Variants in CNBD1 observed in about 807,000 individuals in gnomAD.
CNBD1 encodes cyclic nucleotide-binding domain-containing protein 1.
CNBD1 carries 71 observed loss-of-function variants against 54.4 expected under a neutral mutation model. The ratio of observed to expected loss-of-function variants is 1.30; its 90% CI spans 1.08 to 1.59. The LOEUF is 1.59. CNBD1 is among the 40% of genes most tolerant of loss of function. The pLI, the probability that CNBD1 is intolerant of heterozygous loss-of-function variation, is 0.00. For missense variants in CNBD1, 659 were observed against 518.0 expected (o/e 1.27, Z -2.64); for synonymous variants, 182 against 170.7 (o/e 1.07, Z -0.51).
intron 10 of CNBD1, among the ~76,000 whole-genome samples, chr8:87,354,834 C>G (rs879319617): frequency 2.0e-5 from 3 of 152,018 alleles, no homozygotes; most frequent in Non-Finnish European, 4.4e-5. Context: ...GGTTCCAAGT[C>G]TTTGCTATTG....
intron 5 of CNBD1, among the ~76,000 whole-genome samples, chr8:87,230,503 G>T (rs549178511): frequency 6.6e-6 from 1 of 152,304 alleles, no homozygotes; most frequent in African/African-American, 2.4e-5. Flanking sequence ...TTGTATGTGT[G>T]TGTGTGTCCT....
At chr8:87,088,398 T>C (rs1424259125) in intron 4 of CNBD1, among the ~76,000 whole-genome samples, 2 of 152,224 alleles carry the variant, frequency 1.3e-5, no homozygotes, top group Non-Finnish European at 2.9e-5. Context: ...GGTATATCTG[T>C]GTGACATATA....
In CNBD1 at chr8:87,407,490, A is replaced by G. The variant is rs189510471; in HGVS notation, c.214-21056A>G. Among the ~76,000 whole-genome samples, 484 of 152,140 alleles carry G rather than the reference A, an allele frequency of 3.2e-3. 2 individuals carry two copies. Among genetic ancestry groups the G allele is most frequent in the African/African-American group, 0.011 (452 of 41,562 alleles). Reference sequence around the variant, plus strand: ...ATTCTAGTTAATGCTTTTATTGCATATATTTCAAGTGGGCCTGTATCTCAG... The same window carrying G: ...ATTCTAGTTAATGCTTTTATTGCATGTATTTCAAGTGGGCCTGTATCTCAG... On this transcript the variant is annotated intron_variant, in intron 2 of 7. Coordinates refer to the CNBD1 transcript ENST00000521593.
At chr8:87,095,397 A>G (rs1323946505) in intron 4 of CNBD1, among the ~76,000 whole-genome samples, 2 of 152,192 alleles carry the variant, frequency 1.3e-5, no homozygotes, top group Admixed American at 1.3e-4. Context: ...TGTTTTGGAT[A>G]GTTTCCTATT....
At position 87,225,990 on chromosome 8, in the gene CNBD1, T is replaced by C. The variant is rs199924188; in HGVS notation, c.578-10929T>C. Among the ~76,000 whole-genome samples the C allele has an allele frequency of 2.3e-3, 351 of 151,818 alleles. 9 individuals are homozygous for C. Among genetic ancestry groups the C allele is most frequent in the Admixed American group, 0.019 (295 of 15,248 alleles). ...TTGGGAGAGTGTATGTGTCAAGGAA[T>C]GTATCCATTTCTTCTAGATTTTCTA... On this transcript the variant is annotated intron_variant, in intron 5 of 10. Transcript: ENST00000518476.
intron 4 of CNBD1, among the ~76,000 whole-genome samples, chr8:87,045,626 G>A (rs1295986782): frequency 6.6e-6 from 1 of 151,094 alleles, no homozygotes; most frequent in African/African-American, 2.4e-5. Context: ...TCGGGAGGCT[G>A]AGGCAGGAGA....
intron 10 of CNBD1, among the ~76,000 whole-genome samples, chr8:87,368,894 G>A (rs542321474): frequency 5.7e-4 from 87 of 151,906 alleles, no homozygotes; most frequent in African/African-American, 1.4e-3. Context: ...TGCCAGGCCC[G>A]CTTCCAAATG....
At chr8:86,874,936 G>T (rs1808492022) in intron 1 of CNBD1, among the ~76,000 whole-genome samples, 1 of 145,982 alleles carries the variant, frequency 6.9e-6, no homozygotes, top group Non-Finnish European at 1.5e-5. Flanking sequence ...CCTCTCAGTG[G>T]ACAGATCTAG....
chr8:86,963,651 A>T (rs577550348), intron 4 of CNBD1, among the ~76,000 whole-genome samples: 68 of 152,222 alleles, frequency 4.5e-4, no homozygotes, highest in African/African-American at 1.6e-3. Flanking sequence ...GGTGACAACT[A>T]AGAGATTGGG....
In CNBD1 at chr8:87,045,353, T is replaced by C. The variant is rs73690000; in HGVS notation, c.431+105599T>C. Among the ~76,000 whole-genome samples the C allele has an allele frequency of 5.8e-3, 890 of 152,310 alleles. 9 individuals are homozygous for C. The highest frequency in any genetic ancestry group is 0.02 in the African/African-American group (829 of 41,572). On this transcript the variant is annotated intron_variant, in intron 4 of 10. Transcript: ENST00000518476. ...AGAAGGGATTGTAGCTACCTGGGACTGAAGCCTGCTCTTTCTCTTAATGTG... is the reference window on the plus strand; with the variant it reads ...AGAAGGGATTGTAGCTACCTGGGACCGAAGCCTGCTCTTTCTCTTAATGTG...
In CNBD1 at chr8:87,082,715, T is replaced by C. The variant is rs566881829; in HGVS notation, c.432-123278T>C. Among the ~76,000 whole-genome samples the C allele has an allele frequency of 1.6e-4, 25 of 152,252 alleles. No individual in the cohort carries two copies. In the South Asian group the frequency reaches 4.8e-3, roughly 29 times the overall value. ...TAATCTCTGTACTTTAATTTAGGTG[T>C]TTAGACCATATACATTTAATGTATC... On this transcript the variant is annotated intron_variant, in intron 4 of 10. Transcript: ENST00000518476.
At chr8:86,971,324 T>C (rs1201988581) in intron 4 of CNBD1, among the ~76,000 whole-genome samples, 1 of 152,102 alleles carries the variant, frequency 6.6e-6, no homozygotes, top group African/African-American at 2.4e-5. Flanking sequence ...CTCACTATTA[T>C]GAGAAGAGCA....
chr8:87,286,684 C>A lies in CNBD1; in HGVS notation c.1042+13C>A, dbSNP rs1234388537. ...CCTCCAGGTCATGGTAAGTTTAATG[C>A]AATTTAGATCATTTTGTTTGCATTC... On this transcript the variant is annotated intron_variant, in intron 8 of 10. Coordinates refer to ENST00000518476, the MANE Select transcript of CNBD1 (RefSeq NM_173538.3). 1.3e-6 allele frequency: 2 copies of A among 1,521,028 alleles called. No individual in the cohort carries two copies. The highest frequency in any genetic ancestry group is 8.9e-7 in the Non-Finnish European group (1 of 1,125,140). 94.2% of individuals were successfully genotyped at this position (1,521,028 alleles called of 1,614,324 possible). A position where few individuals can be genotyped will look rare whatever the true frequency, so the allele number is the denominator to read the frequency against.
At chr8:87,083,740 C>T (rs1811044198) in intron 4 of CNBD1, among the ~76,000 whole-genome samples, 1 of 151,914 alleles carries the variant, frequency 6.6e-6, no homozygotes, top group African/African-American at 2.4e-5. Flanking sequence ...AGTCGCCTAC[C>T]ACCACACCCG....
At chr8:87,174,485 T>G (rs941040225) in intron 4 of CNBD1, among the ~76,000 whole-genome samples, 1 of 152,206 alleles carries the variant, frequency 6.6e-6, no homozygotes, top group African/African-American at 2.4e-5. Context: ...CTTCTCTGTG[T>G]TATCTTTAAT....
chr8:87,129,183 G>C (rs986166817), intron 4 of CNBD1, among the ~76,000 whole-genome samples: 1 of 150,476 alleles, frequency 6.6e-6, no homozygotes, highest in African/African-American at 2.4e-5. Flanking sequence ...TAGTTTCACA[G>C]AGTGTGTTGA....
intron 4 of CNBD1, among the ~76,000 whole-genome samples, chr8:87,014,794 T>TAA (rs200638035): frequency 7.1e-6 from 1 of 141,250 alleles, no homozygotes; most frequent in African/African-American, 2.5e-5. Context: ...TAAAACAAGG[T>TAA]AAAAAAAAAA....
chr8:87,382,637 C>T lies in CNBD1; in HGVS notation c.*10C>T. On this transcript the variant is annotated 3_prime_UTR_variant, in exon 11 of 11. Coordinates refer to ENST00000518476, the MANE Select transcript of CNBD1 (RefSeq NM_173538.3). The stretch of plus-strand genomic sequence containing the variant: ...TTTTGCAGTGGCCTAGATCTAGAAA[C>T]AACCTCAGTGAACATTAATTAAGAA... 6.5e-7 allele frequency: 1 copy of T among 1,528,414 alleles called. No individual in the cohort carries two copies. Among genetic ancestry groups the T allele is most frequent in the South Asian group, 1.2e-5 (1 of 82,870 alleles). 94.7% of individuals were successfully genotyped at this position (1,528,414 alleles called of 1,614,324 possible). A position where few individuals can be genotyped will look rare whatever the true frequency, so the allele number is the denominator to read the frequency against.
At chr8:87,298,003 A>G (rs143295517) in intron 8 of CNBD1, among the ~76,000 whole-genome samples, 1 of 151,672 alleles carries the variant, frequency 6.6e-6, no homozygotes, top group East Asian at 1.9e-4. Context: ...TATAGACATT[A>G]ACATATTAAT....
Sources: gnomAD v4.1 joint callset for allele counts (sites outside exome capture counted in the v4.1 genomes callset) on GRCh38, gnomAD v4.1.1 for gene constraint, MANE v1.5 for transcripts, NCBI Gene and HGNC (gene_info 2026-07-23, HGNC 2026-07-21) for gene names.